The following NETO2 variants were observed in gnomAD, a reference collection of about 807,000 sequenced individuals.
The protein encoded by NETO2 is neuropilin and tolloid-like protein 2.
A neutral mutation model predicts 62.5 loss-of-function variants in NETO2; 28 were observed. The ratio of observed to expected loss-of-function variants is 0.45; its 90% CI spans 0.33 to 0.61. NETO2 has a LOEUF of 0.61. Among genes scored for constraint, NETO2 ranks in the 20% least tolerant of loss-of-function variants. NETO2 has a pLI of 0.02. For missense variants in NETO2, 548 were observed against 643.2 expected (o/e 0.85, Z 1.60); for synonymous variants, 214 against 219.1 (o/e 0.98, Z 0.21).
chr16:47,109,742 A>G, intron 6 of NETO2, 31 bp from the exon 7 acceptor site: 1 of 1,439,524 alleles, frequency 6.9e-7, no homozygotes, highest in Non-Finnish European at 9.7e-7. Flanking sequence ...CACTGCTTTT[A>G]AAAAGATATA....
chr16:47,085,596 T>A (rs997361327), intron 8 of NETO2, among the ~76,000 whole-genome samples: 1 of 151,482 alleles, frequency 6.6e-6, no homozygotes, highest in Non-Finnish European at 1.5e-5. Flanking sequence ...GTTAGCCAGG[T>A]TGGTCTTGAA....
intron 7 of NETO2, among the ~76,000 whole-genome samples, chr16:47,096,979 GC>G (rs1385818406): frequency 1.3e-5 from 2 of 152,196 alleles, no homozygotes; most frequent in African/African-American, 4.8e-5. Context: ...TGAGGGAACG[GC>G]GCATTCTGGC....
At chr16:47,091,757 TATGTGACCAGACTCTG>T (rs1390865375) in intron 7 of NETO2, among the ~76,000 whole-genome samples, 4 of 152,204 alleles carry the variant, frequency 2.6e-5, no homozygotes, top group Non-Finnish European at 2.9e-5. Context: ...AGAGGGTGCC[TATGTGACCAGACTCTG>T]ATAAGAACCT....
intron 7 of NETO2, among the ~76,000 whole-genome samples, chr16:47,090,026 A>G (rs1280906623): frequency 6.6e-6 from 1 of 152,172 alleles, no homozygotes; most frequent in African/African-American, 2.4e-5. Flanking sequence ...TGAGGTAATA[A>G]ACAGCACTGT....
In NETO2 at chr16:47,122,622, GTTC is replaced by G. The variant is rs758822518; in HGVS notation, c.654+32_654+34del. On this transcript the variant is annotated intron_variant, in intron 6 of 8. Transcript: ENST00000562435. Reference sequence around the variant, plus strand: ...TTTGCAAATCATGCCTTATCATGATGTTCTTCTCTGAAGCGACTCAATACATAA... The same window carrying G: ...TTTGCAAATCATGCCTTATCATGATGTTCTCTGAAGCGACTCAATACATAA... 181 of 1,598,650 alleles carry G rather than the reference GTTC, an allele frequency of 1.1e-4. 1 individual carries two copies. In the African/African-American group the frequency reaches 2.3e-3, roughly 20 times the overall value.
In NETO2 at chr16:47,109,490, AAAGG is replaced by A. The variant is rs1446356041; in HGVS notation, c.872_875del (p.Ser291LeufsTer23). 1 of 1,612,428 alleles carries A rather than the reference AAAGG, an allele frequency of 6.2e-7. No homozygotes were observed. Among genetic ancestry groups the A allele is most frequent in the Admixed American group, 1.7e-5 (1 of 60,010 alleles). ...TAGGAATTATTTACTTACGCTCCACAAAGGAAGTAAAGAGCATTCGAAACCTGCT... is the reference window on the plus strand; with the variant it reads ...TAGGAATTATTTACTTACGCTCCACAAAGTAAAGAGCATTCGAAACCTGCT... On this transcript the variant is annotated frameshift_variant, in exon 7 of 9. Coordinates refer to ENST00000562435, the MANE Select transcript of NETO2 (RefSeq NM_018092.5). LOFTEE classifies it high-confidence loss of function.
chr16:47,119,309 G>A (rs1258209462), intron 6 of NETO2, among the ~76,000 whole-genome samples: 3 of 151,562 alleles, frequency 2.0e-5, no homozygotes, highest in Non-Finnish European at 4.4e-5. Context: ...CCGCCACCAC[G>A]CCCGGCTAAT....
rs780038912 is a variant in NETO2 at position 47,083,286 on chromosome 16, G to C, written c.1513C>G (p.Pro505Ala). 1.2e-6 allele frequency: 2 copies of C among 1,614,138 alleles called. No individual in the cohort carries two copies. Among genetic ancestry groups the C allele is most frequent in the South Asian group, 1.1e-5 (1 of 91,072 alleles). ...ALEDRVMEEI[P>A]CEIYVRGRED... ...CGCCCCCTGACATAAATTTCACAGG[G>C]AATCTCCTCCATTACTCGGTCTTCC... Residue 505 changes from proline to alanine, a missense_variant, in exon 9 of 9, where the codon CCC becomes GCC. Transcript: ENST00000562435.
At chr16:47,104,141 C>G (rs1294288905) in intron 7 of NETO2, among the ~76,000 whole-genome samples, 1 of 152,086 alleles carries the variant, frequency 6.6e-6, no homozygotes, top group Non-Finnish European at 1.5e-5. Flanking sequence ...CACCCACCCC[C>G]ACACCCACAC....
chr16:47,111,304 C>T (rs1307216741), intron 6 of NETO2, among the ~76,000 whole-genome samples: 9 of 152,090 alleles, frequency 5.9e-5, no homozygotes, highest in Admixed American at 5.2e-4. Flanking sequence ...TTACTCTCTG[C>T]TTTTCTTTTA....
intron 7 of NETO2, among the ~76,000 whole-genome samples, chr16:47,107,043 A>C (rs941535389): frequency 6.6e-6 from 1 of 152,226 alleles, no homozygotes; most frequent in Non-Finnish European, 1.5e-5. Flanking sequence ...TGGCCTCCCA[A>C]AGTGCTGGGA....
intron 7 of NETO2, among the ~76,000 whole-genome samples, chr16:47,097,085 A>G (rs1963442093): frequency 6.6e-6 from 1 of 152,126 alleles, no homozygotes; most frequent in South Asian, 2.1e-4. Context: ...TTCAAGCATA[A>G]AACTGGCGGC....
intron 2 of NETO2, among the ~76,000 whole-genome samples, chr16:47,131,056 A>T (rs1335884014): frequency 6.6e-6 from 1 of 151,708 alleles, no homozygotes; most frequent in African/African-American, 2.4e-5. Flanking sequence ...AGGAAAGGGA[A>T]TTTTAAAAAT....
intron 7 of NETO2, among the ~76,000 whole-genome samples, 169 bp from the exon 8 acceptor site, chr16:47,086,508 G>A (rs1262902685): frequency 6.6e-6 from 1 of 152,140 alleles, no homozygotes; most frequent in Non-Finnish European, 1.5e-5. Context: ...TCTGATGCTG[G>A]CTCATTCAAA....
At chr16:47,098,918 C>A (rs1043489277) in intron 7 of NETO2, among the ~76,000 whole-genome samples, 1 of 152,154 alleles carries the variant, frequency 6.6e-6, no homozygotes, top group Non-Finnish European at 1.5e-5. Flanking sequence ...CGCTCTGTCA[C>A]AATCTAGGCT....
chr16:47,120,370 A>AT (rs1964011589), intron 6 of NETO2, among the ~76,000 whole-genome samples: 1 of 151,996 alleles, frequency 6.6e-6, no homozygotes, highest in South Asian at 2.1e-4. Flanking sequence ...TCATTCTTTT[A>AT]TTTTTTACTT....
At chr16:47,087,030 A>G (rs1029649328) in intron 7 of NETO2, among the ~76,000 whole-genome samples, 1 of 41,314 alleles carries the variant, frequency 2.4e-5, no homozygotes, top group Non-Finnish European at 4.1e-5. Flanking sequence ...ATTTATAATT[A>G]AATTTTTTTT....
chr16:47,103,768 A>G (rs1200109899), intron 7 of NETO2, among the ~76,000 whole-genome samples: 1 of 152,190 alleles, frequency 6.6e-6, no homozygotes, highest in East Asian at 1.9e-4. Flanking sequence ...CATTTACAGT[A>G]AGGGAAAAAA....
chr16:47,097,839 T>C (rs752369283), intron 7 of NETO2, among the ~76,000 whole-genome samples: 1 of 152,140 alleles, frequency 6.6e-6, no homozygotes, highest in Non-Finnish European at 1.5e-5. Context: ...AAGGTAGCAA[T>C]CTTTGCTATT....
Sources: allele counts gnomAD v4.1 joint callset (sites outside exome capture counted in the v4.1 genomes callset), GRCh38; gene constraint gnomAD v4.1.1; transcripts MANE v1.5; gene names NCBI Gene and HGNC (gene_info 2026-07-23, HGNC 2026-07-21).